NRG1: variants seen among roughly 807,000 people sequenced by gnomAD.
NRG1 encodes the protein neuregulin 1, also known as pro-neuregulin-1, membrane-bound isoform.
A neutral mutation model predicts 63.8 loss-of-function variants in NRG1; 18 were observed. That is an observed-to-expected ratio of 0.28 (90% CI 0.19 to 0.42). The LOEUF (loss-of-function observed/expected upper bound fraction) is 0.42, where lower values mean the gene tolerates loss of function less well. NRG1 is among the 10% of genes least tolerant of loss of function. NRG1 has a pLI of 1.00. For missense variants in NRG1, 762 were observed against 814.7 expected, an observed-to-expected ratio of 0.94 and a Z score of 0.79; for synonymous variants, 302 against 301.3, an observed-to-expected ratio of 1.00 and a Z score of -0.02.
At chr8:31,904,114 C>G (rs116673199) in intron 1 of NRG1, among the ~76,000 whole-genome samples, 3,299 of 152,116 alleles carry the variant, frequency 0.022, 106 homozygotes, top group South Asian at 0.13. Flanking sequence ...GTGCACTTTC[C>G]TTGGTTTTGT....
At chr8:32,759,083 AT>A (rs200524690) in intron 9 of NRG1, among the ~76,000 whole-genome samples, 7,814 of 148,782 alleles carry the variant, frequency 0.053, 688 homozygotes, top group African/African-American at 0.18. Context: ...TCCAGAGAGT[AT>A]TTTTTTTTTT....
chr8:32,090,771 A>C (rs1254824234), intron 1 of NRG1, among the ~76,000 whole-genome samples: 2 of 152,234 alleles, frequency 1.3e-5, no homozygotes, highest in African/African-American at 4.8e-5. Context: ...GCCTACAGTA[A>C]GATGAGCAGG....
At chr8:32,023,942 A>G (rs1255393276) in intron 1 of NRG1, among the ~76,000 whole-genome samples, 2 of 152,198 alleles carry the variant, frequency 1.3e-5, no homozygotes, top group South Asian at 2.1e-4. Flanking sequence ...CCGCTGGGTT[A>G]GTTTGGATCC....
chr8:32,181,914 T>C (rs1004352527), intron 1 of NRG1, among the ~76,000 whole-genome samples: 6 of 152,220 alleles, frequency 3.9e-5, no homozygotes, highest in African/African-American at 1.2e-4. Context: ...AGATTATAAA[T>C]AACCTTAACT....
intron 1 of NRG1, among the ~76,000 whole-genome samples, chr8:32,338,591 G>A (rs1008185442): frequency 6.6e-6 from 1 of 152,084 alleles, no homozygotes; most frequent in East Asian, 1.9e-4. Context: ...TCTCAAATCT[G>A]GTACTGGTTT....
chr8:32,325,482 G>A (rs1319792180), intron 1 of NRG1, among the ~76,000 whole-genome samples: 2 of 152,160 alleles, frequency 1.3e-5, no homozygotes, highest in Non-Finnish European at 2.9e-5. Flanking sequence ...CTCAGGCTCA[G>A]GCCTTTCCCA....
At chr8:31,820,394 T>C (rs922631032) in intron 1 of NRG1, among the ~76,000 whole-genome samples, 2 of 152,168 alleles carry the variant, frequency 1.3e-5, no homozygotes, top group African/African-American at 2.4e-5. Flanking sequence ...AAAAGATGCC[T>C]CCAGGTTTTA....
intron 1 of NRG1, among the ~76,000 whole-genome samples, chr8:32,367,103 G>C (rs537082576): frequency 6.6e-6 from 1 of 152,272 alleles, no homozygotes; most frequent in South Asian, 2.1e-4. Flanking sequence ...AAACATGGGA[G>C]TACAGGTATC....
chr8:32,016,634 A>G (rs1815588028), intron 1 of NRG1, among the ~76,000 whole-genome samples: 1 of 152,188 alleles, frequency 6.6e-6, no homozygotes, highest in South Asian at 2.1e-4. Context: ...GATAATAGAA[A>G]AAAAATTTGA....
In NRG1 at chr8:32,465,138, G is replaced by A. The variant is rs924648974; in HGVS notation, c.38-130690G>A. ...TGCAGTCTTTAGCATGGGTGACAGA[G>A]TGAGATTCTGTCTTAGAAACAACAA... On this transcript the variant is annotated intron_variant, in intron 1 of 10. Coordinates refer to the NRG1 transcript ENST00000519301. Among the ~76,000 whole-genome samples the A allele has an allele frequency of 3.3e-5, 5 of 152,160 alleles. No individual in the cohort carries two copies. In the East Asian group the frequency reaches 5.8e-4, roughly 18 times the overall value.
chr8:32,712,766 C>T (rs979823162), intron 5 of NRG1, among the ~76,000 whole-genome samples: 2 of 152,080 alleles, frequency 1.3e-5, no homozygotes, highest in Admixed American at 6.6e-5. Context: ...CTGATATTTC[C>T]TACCATTACT....
intron 1 of NRG1, among the ~76,000 whole-genome samples, chr8:32,130,162 C>T (rs1465184975): frequency 6.6e-6 from 1 of 151,870 alleles, no homozygotes; most frequent in Non-Finnish European, 1.5e-5. Flanking sequence ...TCCTTTTCTT[C>T]AGGCCTGTCA....
chr8:32,185,947 G>C (rs1325195011), intron 1 of NRG1, among the ~76,000 whole-genome samples: 3 of 152,146 alleles, frequency 2.0e-5, no homozygotes, highest in Non-Finnish European at 2.9e-5. Context: ...TTCTTCTTCA[G>C]ACAGATTTTC....
In NRG1 at chr8:32,637,838, A is replaced by G. The variant is rs143171483; in HGVS notation, c.502+20953A>G. 1.8e-3 allele frequency among the ~76,000 whole-genome samples: 273 copies of G among 152,278 alleles called. 2 individuals carry two copies. The highest frequency in any genetic ancestry group is 6.4e-3 in the African/African-American group (265 of 41,548). ...AAAATGCTGTTTAATAACAGAGTCC[A>G]AATATGAATATTAGTCTCTGAATAT... On this transcript the variant is annotated intron_variant, in intron 5 of 11. Coordinates refer to ENST00000356819, the Ensembl canonical transcript of NRG1.
intron 1 of NRG1, among the ~76,000 whole-genome samples, chr8:32,078,850 C>T (rs1827003853): frequency 6.6e-6 from 1 of 152,162 alleles, no homozygotes; most frequent in South Asian, 2.1e-4. Flanking sequence ...ATGACTCATT[C>T]TCTCTGTTGA....
intron 1 of NRG1, chr8:31,639,675 C>T (rs2130817604): frequency 1.4e-6 from 2 of 1,392,672 alleles, no homozygotes; most frequent in East Asian, 5.8e-5. Flanking sequence ...GCGGCGGCGG[C>T]GCGGGGGGTG....
intron 1 of NRG1, among the ~76,000 whole-genome samples, chr8:32,265,308 C>G (rs1297907825): frequency 6.6e-6 from 1 of 151,824 alleles, no homozygotes; most frequent in Non-Finnish European, 1.5e-5. Context: ...GCACTCCAGC[C>G]TGGGCAACAG....
intron 1 of NRG1, among the ~76,000 whole-genome samples, chr8:32,089,811 A>G (rs893529595): frequency 6.6e-6 from 1 of 152,238 alleles, no homozygotes; most frequent in African/African-American, 2.4e-5. Flanking sequence ...AGAGAAAGAA[A>G]AAAAGAACAT....
rs573912496 is a variant in NRG1 at position 32,343,288 on chromosome 8, G to C, written c.38-252540G>C. On this transcript the variant is annotated intron_variant, in intron 1 of 10. Coordinates refer to the NRG1 transcript ENST00000519301. ...TTACATGTCCCATCCAACTTGTTAA[G>C]CCTTCTTTGTGGCCATTAGTGTTTA... Among the ~76,000 whole-genome samples, 7 of 152,210 alleles carry C rather than the reference G, an allele frequency of 4.6e-5. No individual in the cohort carries two copies. In the East Asian group the frequency reaches 1.4e-3, roughly 29 times the overall value.
Sources: gnomAD v4.1 joint callset for allele counts (sites outside exome capture counted in the v4.1 genomes callset) on GRCh38, gnomAD v4.1.1 for gene constraint, MANE v1.5 for transcripts, NCBI Gene and HGNC (gene_info 2026-07-23, HGNC 2026-07-21) for gene names.